GPC6: variants seen among roughly 807,000 people sequenced by gnomAD.
The protein encoded by GPC6 is glypican-6.
GPC6 carries 14 observed loss-of-function variants against 55.2 expected under a neutral mutation model. That is an observed-to-expected ratio of 0.25 (90% CI 0.17 to 0.40). The LOEUF is 0.40. GPC6 is among the 10% of genes least tolerant of loss of function. GPC6 has a pLI of 1.00. For missense variants in GPC6, 641 were observed against 708.5 expected, an observed-to-expected ratio of 0.90 and a Z score of 1.08; for synonymous variants, 278 against 259.6, an observed-to-expected ratio of 1.07 and a Z score of -0.68.
intron 3 of GPC6, among the ~76,000 whole-genome samples, chr13:93,995,124 C>T (rs1393643310): frequency 3.9e-5 from 6 of 152,042 alleles, no homozygotes; most frequent in East Asian, 1.9e-4. Flanking sequence ...TGTTTTGTCA[C>T]TGTATAACAT....
At chr13:94,033,489 A>G (rs982756362) in intron 4 of GPC6, among the ~76,000 whole-genome samples, 8 of 152,218 alleles carry the variant, frequency 5.3e-5, no homozygotes, top group African/African-American at 1.9e-4. Flanking sequence ...ATATTAGAAA[A>G]TAAACATTTA....
intron 6 of GPC6, among the ~76,000 whole-genome samples, chr13:94,365,085 G>A (rs9301954): frequency 0.4 from 61,488 of 151,990 alleles, 12,752 homozygotes; most frequent in East Asian, 0.55. Context: ...AAAGGACAGA[G>A]GCCCTGCCCC....
At chr13:93,925,347 G>A (rs1024136421) in intron 3 of GPC6, among the ~76,000 whole-genome samples, 4 of 152,060 alleles carry the variant, frequency 2.6e-5, no homozygotes, top group Non-Finnish European at 4.4e-5. Flanking sequence ...TATAAAGTGT[G>A]TTATTTTGTA....
chr13:94,217,964 A>C (rs1375430506), intron 4 of GPC6, among the ~76,000 whole-genome samples: 1 of 152,226 alleles, frequency 6.6e-6, no homozygotes, highest in Admixed American at 6.5e-5. Context: ...AGTGGTTATC[A>C]GTGGTTGCTA....
intron 5 of GPC6, among the ~76,000 whole-genome samples, chr13:94,286,813 A>T (rs1004737442): frequency 1.3e-5 from 2 of 152,062 alleles, no homozygotes; most frequent in East Asian, 3.8e-4. Context: ...ATGTCTGCAC[A>T]CCCTCGCCCT....
chr13:93,819,331 G>A (rs906680995), intron 2 of GPC6, among the ~76,000 whole-genome samples: 12 of 152,168 alleles, frequency 7.9e-5, no homozygotes, highest in African/African-American at 2.9e-4. Context: ...TTTAGGTGAA[G>A]AAGGAACGGG....
chr13:93,410,977 A>G lies in GPC6; in HGVS notation c.161-134286A>G, dbSNP rs560668222. Among the ~76,000 whole-genome samples the G allele has an allele frequency of 7.2e-5, 11 of 152,312 alleles. No individual in the cohort carries two copies. The East Asian group carries it at 2.1e-3, about 29-fold the overall frequency. On this transcript the variant is annotated intron_variant, in intron 1 of 8. Coordinates refer to ENST00000377047, the MANE Select transcript of GPC6 (RefSeq NM_005708.5). ...GCAATGATTGCATCCATATATGTCA[A>G]TGACATTCCCTTCCATTGAGCCTTC...
At chr13:93,359,051 T>G (rs942234409) in intron 1 of GPC6, among the ~76,000 whole-genome samples, 7 of 151,088 alleles carry the variant, frequency 4.6e-5, no homozygotes, top group African/African-American at 1.5e-4. Flanking sequence ...TCACTGCTGC[T>G]TCAACCTCCT....
At chr13:93,463,131 A>G (rs761393556) in intron 1 of GPC6, among the ~76,000 whole-genome samples, 8 of 152,154 alleles carry the variant, frequency 5.3e-5, no homozygotes, top group Non-Finnish European at 1.2e-4. Context: ...CCCTCCAGCC[A>G]TCTCATTTGG....
chr13:94,198,187 C>T (rs1281813204), intron 4 of GPC6, among the ~76,000 whole-genome samples: 1 of 151,976 alleles, frequency 6.6e-6, no homozygotes, highest in Non-Finnish European at 1.5e-5. Flanking sequence ...GATCTAACAG[C>T]TTAGACTCAC....
At chr13:93,822,988 T>C in intron 2 of GPC6, among the ~76,000 whole-genome samples, 1 of 151,628 alleles carries the variant, frequency 6.6e-6, no homozygotes, top group Non-Finnish European at 1.5e-5. Context: ...TTCAGCCTCC[T>C]GAGGAGCCAG....
intron 1 of GPC6, among the ~76,000 whole-genome samples, chr13:93,471,048 T>C (rs1175089689): frequency 1.3e-5 from 2 of 152,328 alleles, no homozygotes; most frequent in South Asian, 2.1e-4. Context: ...GTTGATTTTT[T>C]AAAAATCAGT....
At position 94,249,839 on chromosome 13, in the gene GPC6, A is replaced by T. The variant is rs562805730; in HGVS notation, c.878-36510A>T. Among the ~76,000 whole-genome samples, 6 of 152,280 alleles carry T rather than the reference A, an allele frequency of 3.9e-5. No individual in the cohort carries two copies. The South Asian group carries it at 6.2e-4, about 16-fold the overall frequency. ...GAATCTCTTCTCTAAACAATGTTAG[A>T]GCACAGATAGGAGGTAAGTTGCAAT... On this transcript the variant is annotated intron_variant, in intron 4 of 8. Transcript: ENST00000377047.
At chr13:93,972,000 C>T (rs1451541703) in intron 3 of GPC6, among the ~76,000 whole-genome samples, 1 of 152,162 alleles carries the variant, frequency 6.6e-6, no homozygotes, top group Non-Finnish European at 1.5e-5. Flanking sequence ...CCCTGATGTG[C>T]AGGACAGATC....
chr13:94,378,931 T>G lies in GPC6; in HGVS notation c.1153-3483T>G, dbSNP rs1469143186. Among the ~76,000 whole-genome samples, 10 of 152,258 alleles carry G rather than the reference T, an allele frequency of 6.6e-5. No homozygotes were observed. The East Asian group carries it at 1.9e-3, about 30-fold the overall frequency. ...TTTGTATTTTATCCCAAGTCCTTGT[T>G]CCCATCTGGTGTGTTATTAATGAAT... On this transcript the variant is annotated intron_variant, in intron 6 of 8. Coordinates refer to ENST00000377047, the MANE Select transcript of GPC6 (RefSeq NM_005708.5).
chr13:93,433,908 C>G (rs1594166484), intron 1 of GPC6, among the ~76,000 whole-genome samples: 1 of 152,282 alleles, frequency 6.6e-6, no homozygotes, highest in Admixed American at 6.5e-5. Flanking sequence ...CGGATCCAAA[C>G]TGATGCAGTG....
At chr13:93,379,202 A>T (rs1875053378) in intron 1 of GPC6, among the ~76,000 whole-genome samples, 1 of 152,174 alleles carries the variant, frequency 6.6e-6, no homozygotes, top group Admixed American at 6.5e-5. Context: ...TACATAGCCC[A>T]GACTATATGT....
chr13:94,292,256 A>ATAACCC (rs10623870), intron 5 of GPC6, among the ~76,000 whole-genome samples: 116,566 of 150,974 alleles, frequency 0.77, 46,154 homozygotes, highest in East Asian at 0.99. Flanking sequence ...TAATCGATGC[A>ATAACCC]TAACCCTAAC....
intron 4 of GPC6, among the ~76,000 whole-genome samples, chr13:94,070,864 A>G (rs1250653247): frequency 6.6e-6 from 1 of 152,212 alleles, no homozygotes; most frequent in Non-Finnish European, 1.5e-5. Flanking sequence ...CAATGAGTCT[A>G]TAACTCTGCT....
Sources: gnomAD v4.1 joint callset for allele counts (sites outside exome capture counted in the v4.1 genomes callset) on GRCh38, gnomAD v4.1.1 for gene constraint, MANE v1.5 for transcripts, NCBI Gene and HGNC (gene_info 2026-07-23, HGNC 2026-07-21) for gene names.